GPA33: variants seen among roughly 807,000 people sequenced by gnomAD.
GPA33 encodes the protein cell surface A33 antigen.
Under a neutral mutation model 35.6 loss-of-function variants are expected in GPA33, and 27 were observed. That is an observed-to-expected ratio of 0.76 (90% CI 0.56 to 1.04). The LOEUF (loss-of-function observed/expected upper bound fraction) is 1.04, where lower values mean the gene tolerates loss of function less well. GPA33 is among the 50% of genes least tolerant of loss of function. The pLI, the probability that GPA33 is intolerant of heterozygous loss-of-function variation, is 0.00. For missense variants in GPA33, 428 were observed against 411.9 expected (o/e 1.04, Z -0.34); for synonymous variants, 176 against 164.0 (o/e 1.07, Z -0.56).
At chr1:167,062,826 G>A (rs867965601) in intron 4 of GPA33, among the ~76,000 whole-genome samples, 1 of 151,830 alleles carries the variant, frequency 6.6e-6, no homozygotes, top group African/African-American at 2.4e-5. Context: ...TGGTGTGTCT[G>A]GGGCAGCGGG....
At chr1:167,074,164 A>G (rs1468562384) in intron 1 of GPA33, among the ~76,000 whole-genome samples, 2 of 151,408 alleles carry the variant, frequency 1.3e-5, no homozygotes, top group Non-Finnish European at 2.9e-5. Flanking sequence ...TTTATCACAC[A>G]TGCTCTTGCC....
intron 4 of GPA33, among the ~76,000 whole-genome samples, chr1:167,061,792 C>CG (rs1571306414): frequency 6.6e-6 from 1 of 152,002 alleles, no homozygotes; most frequent in South Asian, 2.1e-4. Flanking sequence ...TTAGTAGAGA[C>CG]GGGGTTTCAC....
chr1:167,072,959 A>T (rs1666749787), intron 2 of GPA33, among the ~76,000 whole-genome samples: 1 of 151,580 alleles, frequency 6.6e-6, no homozygotes, highest in African/African-American at 2.4e-5. Flanking sequence ...CACACTTTTT[A>T]TGAGGTTTTG....
chr1:167,056,826 TA>T (rs1666307498), intron 4 of GPA33, among the ~76,000 whole-genome samples: 4 of 3,510 alleles, frequency 1.1e-3, no homozygotes, highest in East Asian at 7.9e-3. Context: ...GCAGCGTTTG[TA>T]GTGTGTGTGG....
intron 1 of GPA33, among the ~76,000 whole-genome samples, chr1:167,079,927 C>G (rs567000859): frequency 6.6e-6 from 1 of 152,284 alleles, no homozygotes; most frequent in East Asian, 1.9e-4. Context: ...TCCTGGGGGT[C>G]TTTGCATCCG....
intron 4 of GPA33, among the ~76,000 whole-genome samples, chr1:167,056,778 C>T (rs1311383614): frequency 0.066 from 99 of 1,504 alleles, no homozygotes; most frequent in East Asian, 0.074. Flanking sequence ...GTGTGTGTGG[C>T]ATGTGTAGTG....
intron 2 of GPA33, 64 bp from the exon 3 acceptor site, chr1:167,069,202 GCCCTGACTA>G: frequency 9.0e-7 from 1 of 1,105,946 alleles, no homozygotes; most frequent in Non-Finnish European, 1.3e-6. Flanking sequence ...CTTCCAGCCT[GCCCTGACTA>G]CCCTCATCCC....
At chr1:167,080,432 T>C (rs1666902158) in intron 1 of GPA33, among the ~76,000 whole-genome samples, 1 of 152,214 alleles carries the variant, frequency 6.6e-6, no homozygotes, top group Admixed American at 6.5e-5. Context: ...AATTGATAAC[T>C]CTGTCCTTTG....
chr1:167,068,668 A>T (rs1034862726), intron 3 of GPA33, among the ~76,000 whole-genome samples: 18 of 152,200 alleles, frequency 1.2e-4, no homozygotes, highest in African/African-American at 4.3e-4. Flanking sequence ...AGGAAAGGAC[A>T]CCGACAGAGC....
chr1:167,054,314 C>A lies in GPA33; in HGVS notation c.*20G>T. 2 of 1,613,726 alleles carry A rather than the reference C, an allele frequency of 1.2e-6. No homozygotes were observed. Among genetic ancestry groups the A allele is most frequent in the Non-Finnish European group, 1.7e-6 (2 of 1,179,898 alleles). On this transcript the variant is annotated 3_prime_UTR_variant, in exon 7 of 7. Transcript: ENST00000367868. ...AATGAACCCCTAACCCTTCCTCCGCCGCCCTCTGCTGCTGGCCTGTCACTG... is the reference window on the plus strand; with the variant it reads ...AATGAACCCCTAACCCTTCCTCCGCAGCCCTCTGCTGCTGGCCTGTCACTG...
chr1:167,060,445 C>T (rs1666413020), intron 4 of GPA33, among the ~76,000 whole-genome samples: 1 of 152,174 alleles, frequency 6.6e-6, no homozygotes, highest in Admixed American at 6.5e-5. Context: ...CTGCCCTCAC[C>T]CCGCAATGTC....
intron 1 of GPA33, among the ~76,000 whole-genome samples, chr1:167,077,501 G>T (rs1666846704): frequency 6.6e-6 from 1 of 152,090 alleles, no homozygotes; most frequent in African/African-American, 2.4e-5. Flanking sequence ...TTCTGTTCTT[G>T]TCTATCACCC....
At chr1:167,087,440 G>A (rs1320363094) in intron 1 of GPA33, among the ~76,000 whole-genome samples, 1 of 152,186 alleles carries the variant, frequency 6.6e-6, no homozygotes, top group Non-Finnish European at 1.5e-5. Flanking sequence ...CTAGAAGACT[G>A]TGCAAGAAGA....
At chr1:167,070,463 G>A (rs1666696135) in intron 2 of GPA33, among the ~76,000 whole-genome samples, 1 of 152,168 alleles carries the variant, frequency 6.6e-6, no homozygotes. Context: ...AGAAGTTAAA[G>A]GCCTCCCCCA....
chr1:167,073,458 G>C lies in GPA33; in HGVS notation c.125C>G (p.Pro42Arg), dbSNP rs927601708. Residue 42 changes from proline (P) to arginine (R), a missense_variant, in exon 2 of 7, where the codon CCC (proline) becomes CGC (arginine). Physicochemically the swap from Pro to Arg is moderately radical, Grantham distance 103 (BLOSUM62 -2). Coordinates refer to ENST00000367868, the MANE Select transcript of GPA33 (RefSeq NM_005814.3). ...GGAGGTGGAAGTGTGGTAGGTGCAG[G>C]GCAGGGTGACACTCTTTCCCTGCGA... ...RASQGKSVTL[P>R]CTYHTSTSSR... 4.3e-6 allele frequency: 7 copies of C among 1,612,488 alleles called. No homozygotes were observed. Among genetic ancestry groups the C allele is most frequent in the Non-Finnish European group, 5.9e-6 (7 of 1,178,674 alleles).
chr1:167,065,107 G>A (rs145125981), intron 3 of GPA33, among the ~76,000 whole-genome samples: 1 of 152,318 alleles, frequency 6.6e-6, no homozygotes, highest in African/African-American at 2.4e-5. Flanking sequence ...GGTGCCTACT[G>A]TGTGTCTGAC....
At chr1:167,074,455 C>A (rs1475055466) in intron 1 of GPA33, among the ~76,000 whole-genome samples, 1 of 152,162 alleles carries the variant, frequency 6.6e-6, no homozygotes, top group Non-Finnish European at 1.5e-5. Context: ...TGGGAGTGAG[C>A]AAACCCAGCC....
chr1:167,062,628 A>G, intron 4 of GPA33, among the ~76,000 whole-genome samples: 1 of 112,082 alleles, frequency 8.9e-6, no homozygotes, highest in South Asian at 3.6e-4. Context: ...GGATGGTAGG[A>G]TTTTTATATA....
chr1:167,063,632 C>G lies in GPA33; in HGVS notation c.521G>C (p.Ser174Thr). Residue 174 changes from serine (S) to threonine (T), a missense_variant, in exon 4 of 7, where the codon AGC (serine) becomes ACC (threonine). Coordinates refer to ENST00000367868, the MANE Select transcript of GPA33 (RefSeq NM_005814.3). ...SKEGSPTPQY[S>T]WKRYNILNQE... ...ATTCAGGATGTTGTACCTCTTCCAG[C>G]TGTACTGAGGGGTTGGTGAGCCCTC... 6.2e-7 allele frequency: 1 copy of G among 1,613,566 alleles called. No homozygotes were observed. The highest frequency in any genetic ancestry group is 2.2e-5 in the East Asian group (1 of 44,882).
Sources: allele counts gnomAD v4.1 joint callset (sites outside exome capture counted in the v4.1 genomes callset), GRCh38; gene constraint gnomAD v4.1.1; transcripts MANE v1.5; gene names NCBI Gene and HGNC (gene_info 2026-07-23, HGNC 2026-07-21).